ALPK2: variants seen among roughly 807,000 people sequenced by gnomAD.
The protein encoded by ALPK2 is alpha kinase 2.
A neutral mutation model predicts 163.1 loss-of-function variants in ALPK2; 127 were observed. The ratio of observed to expected loss-of-function variants is 0.78; its 90% confidence interval spans 0.67 to 0.90. The LOEUF (loss-of-function observed/expected upper bound fraction) is 0.90. ALPK2 is among the 40% of genes least tolerant of loss of function. The pLI is 0.00. For synonymous variants in ALPK2, 953 were observed against 959.1 expected, an observed-to-expected ratio of 0.99 and a Z score of 0.12; for missense variants, 2,360 against 2,589.6, an observed-to-expected ratio of 0.91 and a Z score of 1.92.
At chr18:58,603,572 C>T (rs1172688995) in intron 3 of ALPK2, among the ~76,000 whole-genome samples, 1 of 152,188 alleles carries the variant, frequency 6.6e-6, no homozygotes, top group Non-Finnish European at 1.5e-5. Context: ...CCTGCTGGCT[C>T]TCAGCACAGC....
intron 3 of ALPK2, among the ~76,000 whole-genome samples, chr18:58,606,683 A>G (rs2052099369): frequency 6.6e-6 from 1 of 152,150 alleles, no homozygotes; most frequent in Non-Finnish European, 1.5e-5. Flanking sequence ...GGCTCCTCAG[A>G]GCCCCATAAT....
At chr18:58,611,253 G>A (rs1278037895) in intron 2 of ALPK2, among the ~76,000 whole-genome samples, 1 of 148,200 alleles carries the variant, frequency 6.7e-6, no homozygotes, top group Non-Finnish European at 1.5e-5. Context: ...ACTCCAGCCT[G>A]GGTGACAGAG....
Position 58,564,123 on chromosome 18 carries a change from C to CTTTTTTGTTTTTTTTTTTTTT in ALPK2, c.1962+14690_1962+14691insAAAAAAAAAAAAAACAAAAAA, listed in dbSNP as rs2051838641. On this transcript the variant is annotated intron_variant, in intron 4 of 12. Transcript: ENST00000361673. Reference sequence around the variant, plus strand: ...GAATTGCGTATTTGATGTCTTTGTTCTTTTTTTTTTTTTTTTGAGATGGAG... The same window carrying CTTTTTTGTTTTTTTTTTTTTT: ...GAATTGCGTATTTGATGTCTTTGTTCTTTTTTGTTTTTTTTTTTTTTTTTTTTTTTTTTTTTTGAGATGGAG... Among the ~76,000 whole-genome samples, 2 of 102,490 alleles carry CTTTTTTGTTTTTTTTTTTTTT rather than the reference C, an allele frequency of 2.0e-5. 1 individual carries two copies. Among genetic ancestry groups the CTTTTTTGTTTTTTTTTTTTTT allele is most frequent in the Admixed American group, 2.4e-4 (2 of 8,366 alleles). The allele number at this position is 102,490 out of a possible 152,430, so 67.2% of individuals were successfully genotyped here. A position where few individuals can be genotyped will look rare whatever the true frequency, so the allele number is the denominator to read the frequency against.
chr18:58,521,457 G>T (rs73445138), intron 8 of ALPK2, among the ~76,000 whole-genome samples: 2,066 of 152,160 alleles, frequency 0.014, 43 homozygotes, highest in African/African-American at 0.048. Flanking sequence ...CTGGGGAGAT[G>T]AGAGCAGAAA....
chr18:58,574,519 ACTGT>A (rs1193589026), intron 4 of ALPK2, among the ~76,000 whole-genome samples: 1 of 150,702 alleles, frequency 6.6e-6, no homozygotes, highest in Non-Finnish European at 1.5e-5. Flanking sequence ...TGGACCGGTA[ACTGT>A]CTGTCTCCTG....
At chr18:58,530,374 T>C (rs1027344082) in intron 5 of ALPK2, among the ~76,000 whole-genome samples, 4 of 152,176 alleles carry the variant, frequency 2.6e-5, no homozygotes, top group Non-Finnish European at 4.4e-5. Flanking sequence ...AGAGAGAAAA[T>C]GTAACAAGTA....
chr18:58,613,883 A>G (rs887510653), intron 1 of ALPK2, among the ~76,000 whole-genome samples: 2 of 152,044 alleles, frequency 1.3e-5, no homozygotes, highest in Admixed American at 1.3e-4. Context: ...TTCTTTTGAG[A>G]TCACTCCTGC....
At chr18:58,482,064 A>C (rs761263342) in intron 12 of ALPK2, 25 bp from the exon 13 acceptor site, 12 of 1,573,348 alleles carry the variant, frequency 7.6e-6, no homozygotes, top group Non-Finnish European at 9.6e-6. Flanking sequence ...GGAAGGAAAC[A>C]TAGCTTTTAA....
chr18:58,556,599 G>A (rs2051793914), intron 4 of ALPK2, among the ~76,000 whole-genome samples: 2 of 151,976 alleles, frequency 1.3e-5, no homozygotes, highest in South Asian at 4.2e-4. Context: ...GGAAGGGTGG[G>A]GCATATTTAA....
intron 1 of ALPK2, among the ~76,000 whole-genome samples, chr18:58,615,169 T>C (rs987631246): frequency 1.3e-5 from 2 of 152,152 alleles, no homozygotes; most frequent in African/African-American, 4.8e-5. Context: ...GTTTTTGGGG[T>C]TTGACCATAT....
chr18:58,594,104 C>T (rs1054313164), intron 3 of ALPK2, among the ~76,000 whole-genome samples: 6 of 151,898 alleles, frequency 4.0e-5, no homozygotes, highest in Admixed American at 1.3e-4. Flanking sequence ...ATAGCGAACA[C>T]GTCAGGGAAC....
At chr18:58,546,537 C>G (rs1243647611) in intron 4 of ALPK2, among the ~76,000 whole-genome samples, 1 of 152,152 alleles carries the variant, frequency 6.6e-6, no homozygotes, top group African/African-American at 2.4e-5. Flanking sequence ...TCCCTACAGC[C>G]TTTTTAACAC....
intron 4 of ALPK2, chr18:58,578,066 CACA>C (rs1412741919): frequency 6.6e-6 from 1 of 152,212 alleles, no homozygotes; most frequent in African/African-American, 2.4e-5. Context: ...ATGTATCAAG[CACA>C]ACATCTTTTG....
chr18:58,616,027 C>G (rs142035886), intron 1 of ALPK2, among the ~76,000 whole-genome samples: 3 of 152,252 alleles, frequency 2.0e-5, no homozygotes, highest in African/African-American at 7.2e-5. Context: ...AGGTGAGAAC[C>G]CTTGATGACA....
intron 4 of ALPK2, among the ~76,000 whole-genome samples, chr18:58,576,085 C>T (rs1365458444): frequency 1.3e-5 from 2 of 152,096 alleles, no homozygotes; most frequent in Non-Finnish European, 1.5e-5. Flanking sequence ...CAAGAATGGG[C>T]AAATTTGACC....
At chr18:58,550,383 C>T (rs112389753) in intron 4 of ALPK2, among the ~76,000 whole-genome samples, 12 of 140,674 alleles carry the variant, frequency 8.5e-5, no homozygotes, top group South Asian at 4.6e-4. Flanking sequence ...CAACCCCATC[C>T]CCATCTCCAT....
intron 11 of ALPK2, among the ~76,000 whole-genome samples, chr18:58,500,769 A>G (rs1174794434): frequency 1.6e-5 from 1 of 61,892 alleles, no homozygotes; most frequent in Non-Finnish European, 3.2e-5. Flanking sequence ...ACTAAAAAAT[A>G]CAAAAAAATT....
intron 3 of ALPK2, among the ~76,000 whole-genome samples, chr18:58,594,744 C>G (rs2052032727): frequency 6.6e-6 from 1 of 152,202 alleles, no homozygotes; most frequent in South Asian, 2.1e-4. Flanking sequence ...TGGAGTCCGT[C>G]TTTCACTCCC....
At chr18:58,490,116 C>T (rs1050712560) in intron 12 of ALPK2, among the ~76,000 whole-genome samples, 4 of 152,150 alleles carry the variant, frequency 2.6e-5, no homozygotes, top group Admixed American at 6.6e-5. Context: ...CTTATTCAAC[C>T]TAGGGTTTCC....
Sources: allele counts gnomAD v4.1 joint callset (sites outside exome capture counted in the v4.1 genomes callset), GRCh38; gene constraint gnomAD v4.1.1; transcripts MANE v1.5; gene names NCBI Gene and HGNC (gene_info 2026-07-23, HGNC 2026-07-21).